The following MAST4 variants were observed in gnomAD, a reference collection of about 807,000 sequenced individuals.
MAST4 encodes microtubule-associated serine/threonine-protein kinase 4.
A neutral mutation model predicts 162.7 loss-of-function variants in MAST4; 89 were observed. The ratio of observed to expected loss-of-function variants is 0.55; its 90% confidence interval spans 0.46 to 0.65. MAST4 has a LOEUF of 0.65. Among genes scored for constraint, MAST4 ranks in the 30% least tolerant of loss-of-function variants. MAST4 has a pLI of 0.00. For missense variants in MAST4, 3,153 were observed against 3,374.0 expected, an observed-to-expected ratio of 0.93 and a Z score of 1.62; for synonymous variants, 1,479 against 1,361.1, an observed-to-expected ratio of 1.09 and a Z score of -1.91.
chr5:66,976,706 C>A (rs1323682233), intron 4 of MAST4, among the ~76,000 whole-genome samples: 1 of 152,214 alleles, frequency 6.6e-6, no homozygotes, highest in Non-Finnish European at 1.5e-5. Context: ...TTAACATCCC[C>A]ACAGTGTTGA....
rs774926472 is a variant in MAST4, at chr5:67,166,970, T to C, written c.7791T>C (p.Leu2597=). The C allele has an allele frequency of 3.7e-6, 6 of 1,612,558 alleles. No homozygotes were observed. Among genetic ancestry groups the C allele is most frequent in the Non-Finnish European group, 5.1e-6 (6 of 1,179,684 alleles). Residue 2597 remains leucine (L), a synonymous_variant, in exon 29 of 29, where the codon CTT becomes CTC. Coordinates refer to ENST00000403625, the MANE Select transcript of MAST4 (RefSeq NM_001164664.2). ...CAAACACTGACCGCCCCATCTCTCT[T>C]TCTAATGAGAAGGACTTTGTGGTAC... ...PAPNTDRPIS[L]SNEKDFVVRQ... is the part of the protein sequence containing the mutation.
At chr5:66,715,212 T>G (rs974606706) in intron 1 of MAST4, among the ~76,000 whole-genome samples, 4 of 152,086 alleles carry the variant, frequency 2.6e-5, no homozygotes, top group African/African-American at 9.7e-5. Context: ...CTCCTCAGGG[T>G]GCCAGAAAAA....
intron 3 of MAST4, among the ~76,000 whole-genome samples, chr5:66,829,821 A>G (rs1757479137): frequency 6.7e-6 from 1 of 149,042 alleles, no homozygotes. Flanking sequence ...CTAAGTATCA[A>G]TTATTAATAC....
intron 3 of MAST4, among the ~76,000 whole-genome samples, chr5:66,855,069 G>A (rs907523695): frequency 4.6e-5 from 7 of 152,146 alleles, no homozygotes; most frequent in African/African-American, 1.7e-4. Flanking sequence ...GTAGTACTAT[G>A]GTTTGGATCT....
chr5:66,691,486 C>G (rs1018387051), intron 1 of MAST4, among the ~76,000 whole-genome samples: 3 of 152,158 alleles, frequency 2.0e-5, no homozygotes, highest in Non-Finnish European at 4.4e-5. Flanking sequence ...AATTTGGTGT[C>G]TTAGTCCATT....
intron 1 of MAST4, among the ~76,000 whole-genome samples, chr5:66,708,410 T>G (rs1750278259): frequency 6.6e-6 from 1 of 152,152 alleles, no homozygotes; most frequent in Admixed American, 6.5e-5. Flanking sequence ...TGAATTTTGT[T>G]GTTAAAGGAG....
intron 5 of MAST4, among the ~76,000 whole-genome samples, chr5:67,071,128 G>A (rs1760928619): frequency 6.6e-6 from 1 of 152,000 alleles, no homozygotes; most frequent in South Asian, 2.1e-4. Flanking sequence ...TTGATAAGTT[G>A]GTTAACAGTA....
intron 5 of MAST4, among the ~76,000 whole-genome samples, chr5:67,059,916 A>G (rs951544199): frequency 3.3e-5 from 5 of 152,122 alleles, no homozygotes; most frequent in Non-Finnish European, 7.4e-5. Context: ...TTGGGCAACA[A>G]AACAAAACAT....
intron 4 of MAST4, among the ~76,000 whole-genome samples, chr5:66,984,009 A>G (rs1326624006): frequency 6.6e-6 from 1 of 152,214 alleles, no homozygotes; most frequent in African/African-American, 2.4e-5. Context: ...TTGAGAAGCT[A>G]CCACCAGCCA....
chr5:66,954,169 A>G (rs565677170), intron 4 of MAST4, among the ~76,000 whole-genome samples: 1 of 152,274 alleles, frequency 6.6e-6, no homozygotes, highest in African/African-American at 2.4e-5. Flanking sequence ...ACTGATAAAA[A>G]TATATCACAC....
intron 2 of MAST4, among the ~76,000 whole-genome samples, chr5:66,769,902 T>C (rs749186966): frequency 6.6e-5 from 10 of 152,226 alleles, no homozygotes; most frequent in South Asian, 2.1e-4. Flanking sequence ...CAGATCCACA[T>C]AGAATTTACA....
At chr5:66,959,971 G>A (rs1350035904) in intron 4 of MAST4, among the ~76,000 whole-genome samples, 1 of 152,150 alleles carries the variant, frequency 6.6e-6, no homozygotes, top group African/African-American at 2.4e-5. Flanking sequence ...TGTGATGCAG[G>A]AAGTGTCAGC....
intron 4 of MAST4, chr5:66,963,711 A>G: frequency 2.6e-6 from 2 of 779,576 alleles, no homozygotes; most frequent in Non-Finnish European, 4.8e-6. Flanking sequence ...TTTCAGTCTC[A>G]CTCCCAGGAG....
At chr5:66,873,965 T>C (rs540380446) in intron 3 of MAST4, among the ~76,000 whole-genome samples, 1 of 152,336 alleles carries the variant, frequency 6.6e-6, no homozygotes, top group South Asian at 2.1e-4. Flanking sequence ...AAGGGGCTCA[T>C]TTTCAGCTCA....
chr5:67,082,605 G>A (rs1186698998), intron 5 of MAST4, among the ~76,000 whole-genome samples: 1 of 152,132 alleles, frequency 6.6e-6, no homozygotes, highest in African/African-American at 2.4e-5. Flanking sequence ...TGGACAATTG[G>A]TGAGATTAAA....
chr5:66,904,025 G>T (rs918327273), intron 4 of MAST4, among the ~76,000 whole-genome samples: 1 of 152,212 alleles, frequency 6.6e-6, no homozygotes, highest in African/African-American at 2.4e-5. Flanking sequence ...GTTTGATTTA[G>T]ATTTTTCTAA....
intron 4 of MAST4, among the ~76,000 whole-genome samples, chr5:67,042,609 T>G (rs937187745): frequency 6.6e-6 from 1 of 152,006 alleles, no homozygotes; most frequent in African/African-American, 2.4e-5. Context: ...AAACAAATAG[T>G]AGGGACCAAG....
At chr5:66,862,841 A>T (rs569054827) in intron 3 of MAST4, among the ~76,000 whole-genome samples, 2 of 152,312 alleles carry the variant, frequency 1.3e-5, no homozygotes, top group Non-Finnish European at 2.9e-5. Flanking sequence ...GCTGATGTCC[A>T]GGAAGGCTGA....
chr5:66,781,916 C>T lies in MAST4; in HGVS notation c.518-6754C>T, dbSNP rs78631296. On this transcript the variant is annotated intron_variant, in intron 2 of 28. Transcript: ENST00000403625. The stretch of plus-strand genomic sequence containing the variant: ...GGCTATTATTTAATTCTTTATATGG[C>T]CATTCTGCTAAAATTATTGCAGACT... Among the ~76,000 whole-genome samples, 840 of 152,222 alleles carry T rather than the reference C, an allele frequency of 5.5e-3. 8 individuals carry two copies. Among genetic ancestry groups the T allele is most frequent in the South Asian group, 0.051 (248 of 4,818 alleles).
Sources: gnomAD v4.1 joint callset for allele counts (sites outside exome capture counted in the v4.1 genomes callset) on GRCh38, gnomAD v4.1.1 for gene constraint, MANE v1.5 for transcripts, NCBI Gene and HGNC (gene_info 2026-07-23, HGNC 2026-07-21) for gene names.